The following PCNX2 variants were observed in gnomAD, a reference collection of about 807,000 sequenced individuals.
The protein encoded by PCNX2 is pecanex-like protein 2.
In PCNX2, 168 loss-of-function variants were observed where a neutral mutation model predicts 223.8. The observed-to-expected ratio is 0.75, with a 90% CI of 0.66 to 0.85. PCNX2 has a LOEUF of 0.85. Among genes scored for constraint, PCNX2 ranks in the 40% least tolerant of loss-of-function variants. The pLI, the probability that PCNX2 is intolerant of heterozygous loss-of-function variation, is 0.00. For missense variants in PCNX2, 2,507 were observed against 2,675.5 expected, an observed-to-expected ratio of 0.94 and a Z score of 1.39; for synonymous variants, 1,006 against 1,052.6, an observed-to-expected ratio of 0.96 and a Z score of 0.86.
chr1:233,181,801 G>A (rs1679818000), intron 15 of PCNX2, among the ~76,000 whole-genome samples: 1 of 152,098 alleles, frequency 6.6e-6, no homozygotes, highest in Non-Finnish European at 1.5e-5. Context: ...CTTTTACAAG[G>A]ACACTGATCT....
At chr1:233,187,315 A>C (rs988067130) in intron 15 of PCNX2, among the ~76,000 whole-genome samples, 29 of 152,378 alleles carry the variant, frequency 1.9e-4, no homozygotes, top group Admixed American at 1.5e-3. Flanking sequence ...GATTGAATGA[A>C]CATCAGTAGG....
chr1:233,291,044 G>A (rs970245876), intron 1 of PCNX2: 2 of 985,250 alleles, frequency 2.0e-6, no homozygotes, highest in African/African-American at 1.7e-5. Flanking sequence ...TCCACTGCAG[G>A]TGGCTCCACG....
At chr1:233,220,874 T>C (rs1446593521) in intron 10 of PCNX2, among the ~76,000 whole-genome samples, 2 of 152,216 alleles carry the variant, frequency 1.3e-5, no homozygotes, top group Non-Finnish European at 2.9e-5. Flanking sequence ...ACTTTTTATA[T>C]ATAATTTCAG....
At chr1:233,133,974 C>A (rs1339243451) in intron 21 of PCNX2, among the ~76,000 whole-genome samples, 3 of 151,516 alleles carry the variant, frequency 2.0e-5, no homozygotes, top group South Asian at 2.1e-4. Flanking sequence ...ATTTTTGTTA[C>A]CTAAGAGAAT....
intron 24 of PCNX2, 73 bp from the exon 25 acceptor site, chr1:233,054,556 G>C: frequency 8.3e-7 from 1 of 1,205,252 alleles, no homozygotes; most frequent in Non-Finnish European, 1.2e-6. Flanking sequence ...GAAACAGTGA[G>C]TTGTCATCTG....
chr1:232,999,038 A>G, intron 31 of PCNX2, 67 bp downstream of exon 31: 1 of 1,506,894 alleles, frequency 6.6e-7, no homozygotes. Context: ...CCAGGAGTAC[A>G]GAGCTCCCTG....
chr1:233,159,503 T>C (rs1678336857), intron 19 of PCNX2, among the ~76,000 whole-genome samples: 1 of 152,136 alleles, frequency 6.6e-6, no homozygotes, highest in African/African-American at 2.4e-5. Context: ...TACAATAGGC[T>C]AAACAGCTCT....
chr1:233,151,338 C>A (rs1222228276), intron 19 of PCNX2, among the ~76,000 whole-genome samples: 1 of 152,156 alleles, frequency 6.6e-6, no homozygotes, highest in East Asian at 1.9e-4. Flanking sequence ...CCACAGTGGC[C>A]ACACCGACTG....
intron 10 of PCNX2, among the ~76,000 whole-genome samples, chr1:233,221,177 G>A (rs1014686405): frequency 7.5e-6 from 1 of 133,050 alleles, no homozygotes; most frequent in African/African-American, 2.8e-5. Flanking sequence ...AGATAATCAT[G>A]AGGCTCAAGT....
intron 23 of PCNX2, among the ~76,000 whole-genome samples, chr1:233,076,835 T>G (rs764590013): frequency 6.6e-6 from 1 of 152,202 alleles, no homozygotes; most frequent in Non-Finnish European, 1.5e-5. Context: ...GTAAAATAAT[T>G]TGGCTTGGAA....
rs779488072 is a variant in PCNX2, at chr1:233,161,238, G to T, written c.3366+33C>A. Reference sequence around the variant, plus strand: ...GCTTTGTTATTAAGGAGAATAAGGGGGCAGGAAGAGTACAAAGTTGGTGGA... The same window carrying T: ...GCTTTGTTATTAAGGAGAATAAGGGTGCAGGAAGAGTACAAAGTTGGTGGA... On this transcript the variant is annotated intron_variant, in intron 18 of 33. Coordinates refer to ENST00000258229, the MANE Select transcript of PCNX2 (RefSeq NM_014801.4). The T allele has an allele frequency of 2.6e-6, 4 of 1,560,998 alleles. No individual in the cohort carries two copies. The East Asian group carries it at 9.0e-5, about 35-fold the overall frequency.
chr1:233,252,798 A>T lies in PCNX2; in HGVS notation c.1835-10T>A. The T allele has an allele frequency of 3.1e-6, 5 of 1,592,340 alleles. No individual in the cohort carries two copies. Among genetic ancestry groups the T allele is most frequent in the Non-Finnish European group, 4.3e-6 (5 of 1,172,644 alleles). ...TCCTGGGAACAGTTATCTGAAAAAC[A>T]TTGCTTTACTTGTTAATTTAATATA... On this transcript the variant is annotated splice_polypyrimidine_tract_variant and intron_variant, in intron 5 of 33. Coordinates refer to ENST00000258229, the MANE Select transcript of PCNX2 (RefSeq NM_014801.4).
At chr1:233,140,404 G>A (rs1430827053) in intron 19 of PCNX2, among the ~76,000 whole-genome samples, 1 of 152,214 alleles carries the variant, frequency 6.6e-6, no homozygotes, top group Non-Finnish European at 1.5e-5. Context: ...AACAAAGGAA[G>A]TACCACAAAG....
intron 19 of PCNX2, among the ~76,000 whole-genome samples, chr1:233,143,918 T>C (rs1326303942): frequency 6.6e-6 from 1 of 152,174 alleles, no homozygotes; most frequent in African/African-American, 2.4e-5. Context: ...GATTTTTTTC[T>C]CTTTACCGAA....
chr1:233,288,803 CCTTTTT>C (rs1661588005), intron 1 of PCNX2: 81 of 655,670 alleles, frequency 1.2e-4, no homozygotes, highest in Non-Finnish European at 1.6e-4. Flanking sequence ...GGAAAGATGC[CCTTTTT>C]TTTTTTTTTT....
chr1:233,156,902 A>G (rs969511971), intron 19 of PCNX2, among the ~76,000 whole-genome samples: 1 of 151,968 alleles, frequency 6.6e-6, no homozygotes, highest in Non-Finnish European at 1.5e-5. Context: ...TGGGTGATAG[A>G]GTGAGATTCA....
At chr1:233,152,421 T>C (rs1307489194) in intron 19 of PCNX2, among the ~76,000 whole-genome samples, 1 of 152,112 alleles carries the variant, frequency 6.6e-6, no homozygotes, top group African/African-American at 2.4e-5. Flanking sequence ...CTTTCTTATG[T>C]GGGGAAAAAG....
At chr1:233,063,645 T>TA (rs1478643623) in intron 23 of PCNX2, among the ~76,000 whole-genome samples, 2 of 152,208 alleles carry the variant, frequency 1.3e-5, no homozygotes, top group African/African-American at 2.4e-5. Context: ...GGTCATGACT[T>TA]AGATTCCTGA....
rs1466819430 is a variant in PCNX2, at chr1:232,991,000, T to C, written c.5792-4460A>G. Among the ~76,000 whole-genome samples the C allele has an allele frequency of 1.3e-5, 2 of 152,194 alleles. No individual in the cohort carries two copies. The highest frequency in any genetic ancestry group is 1.3e-4 in the Admixed American group (2 of 15,280). ...GTGGTGTGGTCTTCACATGTGCTCC[T>C]GTCACAGGCTCTGCAGAAGTTAGGG... On this transcript the variant is annotated intron_variant, in intron 32 of 33. Coordinates refer to ENST00000258229, the MANE Select transcript of PCNX2 (RefSeq NM_014801.4). This position sits in a 1 kb window ranked among gnomAD's most constrained non-coding sequence, Gnocchi z 4.3.
Sources: gnomAD v4.1 joint callset for allele counts (sites outside exome capture counted in the v4.1 genomes callset) on GRCh38, gnomAD v4.1.1 for gene constraint, Gnocchi (gnomAD v3.1) non-coding constraint, MANE v1.5 for transcripts, NCBI Gene and HGNC (gene_info 2026-07-23, HGNC 2026-07-21) for gene names.